RRP15: variants seen among roughly 807,000 people sequenced by gnomAD.
RRP15 encodes RRP15-like protein.
Under a neutral mutation model 27.1 loss-of-function variants are expected in RRP15, and 18 were observed. The ratio of observed to expected loss-of-function variants is 0.66; its 90% CI spans 0.46 to 0.98. The LOEUF (loss-of-function observed/expected upper bound fraction) is 0.98, where lower values mean the gene tolerates loss of function less well. Among genes scored for constraint, RRP15 ranks in the 50% least tolerant of loss-of-function variants. The pLI, the probability that RRP15 is intolerant of heterozygous loss-of-function variation, is 0.00. For synonymous variants in RRP15, 107 were observed against 109.4 expected (o/e 0.98, Z 0.14); for missense variants, 359 against 337.8 (o/e 1.06, Z -0.49).
chr1:218,320,329 C>T (rs558658854), intron 4 of RRP15, among the ~76,000 whole-genome samples: 76 of 151,014 alleles, frequency 5.0e-4, no homozygotes, highest in Admixed American at 2.5e-3. Context: ...TTTGTTCTTG[C>T]GATAGTTTAC....
Position 218,305,048 on chromosome 1 carries a change from G to A in RRP15, c.426G>A (p.Trp142Ter), listed in dbSNP as rs751165551. The A allele has an allele frequency of 1.2e-6, 2 of 1,613,698 alleles. No homozygotes were observed. Among genetic ancestry groups the A allele is most frequent in the East Asian group, 2.2e-5 (1 of 44,870 alleles). The change falls in exon 3 of 5, where the codon TGG (tryptophan) becomes TGA (stop). Residue 142 changes from tryptophan (W) to a stop codon, truncating the protein, a stop_gained. Transcript: ENST00000366932. LOFTEE classifies it high-confidence loss of function. Reference protein sequence around the residue: ...KIKQRDKRLEWEMMCRVKPDV... With the variant: ...KIKQRDKRLE ...CGCAGCGTGATAAGAGGCTGGAGTG[G>A]GAAATGATGTGCAGAGTAAAGCCAG...
At chr1:218,326,627 A>G (rs911742935) in intron 4 of RRP15, among the ~76,000 whole-genome samples, 3 of 152,202 alleles carry the variant, frequency 2.0e-5, no homozygotes, top group African/African-American at 4.8e-5. Flanking sequence ...CAGGTTTTCA[A>G]TAAAGTAACT....
chr1:218,286,239 T>A (rs1181753046), intron 1 of RRP15, among the ~76,000 whole-genome samples: 1 of 152,200 alleles, frequency 6.6e-6, no homozygotes, highest in Non-Finnish European at 1.5e-5. Context: ...TCTCAGTATA[T>A]AATATCCAAA....
Position 218,285,381 on chromosome 1 carries a change from A to G in RRP15, c.65A>G (p.Lys22Arg), listed in dbSNP as rs1391349843. 6.2e-6 allele frequency: 10 copies of G among 1,614,022 alleles called. No homozygotes were observed. Among genetic ancestry groups the G allele is most frequent in the Non-Finnish European group, 6.8e-6 (8 of 1,180,026 alleles). Residue 22 changes from lysine to arginine, a missense_variant, in exon 1 of 5, where the codon AAG (lysine) becomes AGG (arginine). Transcript: ENST00000366932. The part of the protein sequence containing the change: ...EEENLKKTPK[K>R]KMKMVTGAVA... Reference sequence around the variant, plus strand: ...GAAAACCTGAAAAAGACCCCAAAGAAGAAGATGAAAATGGTAACTGGAGCC... The same window carrying G: ...GAAAACCTGAAAAAGACCCCAAAGAGGAAGATGAAAATGGTAACTGGAGCC...
intron 1 of RRP15, among the ~76,000 whole-genome samples, chr1:218,294,556 G>T (rs973891923): frequency 6.6e-6 from 1 of 152,094 alleles, no homozygotes; most frequent in Admixed American, 6.5e-5. Flanking sequence ...TGAAGTATAG[G>T]GTGAAGGTGT....
intron 3 of RRP15, among the ~76,000 whole-genome samples, chr1:218,306,583 T>C (rs1655902411): frequency 6.6e-6 from 1 of 152,180 alleles, no homozygotes; most frequent in South Asian, 2.1e-4. Flanking sequence ...TTGCCTCTTA[T>C]TAGAGCAAGA....
intron 4 of RRP15, among the ~76,000 whole-genome samples, chr1:218,308,916 A>G (rs920545203): frequency 6.6e-6 from 1 of 152,240 alleles, no homozygotes; most frequent in African/African-American, 2.4e-5. Context: ...TTGGATGGGA[A>G]AGAACTAGTG....
intron 4 of RRP15, among the ~76,000 whole-genome samples, chr1:218,315,546 G>C (rs191037126): frequency 2.6e-5 from 4 of 152,038 alleles, no homozygotes; most frequent in African/African-American, 9.6e-5. Context: ...TCATGCCCCA[G>C]CCTCTTGAGT....
In RRP15 at chr1:218,335,425, G is replaced by T. The variant is rs780095113; in HGVS notation, c.*4334G>T. Reference sequence around the variant, plus strand: ...GCAAGGATATATGTTAGAAGAGTGGGCATAATACTTTATATTAAAATTATA... The same window carrying T: ...GCAAGGATATATGTTAGAAGAGTGGTCATAATACTTTATATTAAAATTATA... On this transcript the variant is annotated 3_prime_UTR_variant, in exon 5 of 5. Coordinates refer to ENST00000366932, the MANE Select transcript of RRP15 (RefSeq NM_016052.4). 11 of 152,098 alleles carry T rather than the reference G, an allele frequency of 7.2e-5. No individual in the cohort carries two copies. Among genetic ancestry groups the T allele is most frequent in the Non-Finnish European group, 1.5e-4 (10 of 68,014 alleles). 9.4% of individuals were successfully genotyped at this position (152,098 alleles called of 1,614,324 possible). A position where few individuals can be genotyped will look rare whatever the true frequency, so the allele number is the denominator to read the frequency against.
At chr1:218,329,019 T>G (rs1434023092) in intron 4 of RRP15, among the ~76,000 whole-genome samples, 5 of 152,146 alleles carry the variant, frequency 3.3e-5, no homozygotes, top group African/African-American at 9.7e-5. Context: ...TTGAAAGCTT[T>G]GAATTCTTAC....
chr1:218,294,784 T>A (rs1338112824), intron 1 of RRP15, among the ~76,000 whole-genome samples: 3 of 152,196 alleles, frequency 2.0e-5, no homozygotes, highest in Non-Finnish European at 2.9e-5. Flanking sequence ...CAAACTTCTA[T>A]TCCTGTCTTG....
Position 218,333,441 on chromosome 1 carries a change from G to C in RRP15, c.*2350G>C, listed in dbSNP as rs1427090898. 2 of 152,092 alleles carry C rather than the reference G, an allele frequency of 1.3e-5. No homozygotes were observed. Among genetic ancestry groups the C allele is most frequent in the Non-Finnish European group, 2.9e-5 (2 of 68,024 alleles). 9.4% of individuals were successfully genotyped at this position (152,092 alleles called of 1,614,324 possible). A position where few individuals can be genotyped will look rare whatever the true frequency, so the allele number is the denominator to read the frequency against. ...TTACCTACAACATTTAAATTATTCTGATATCAATCAGATAAATAATCCGAG... is the reference window on the plus strand; with the variant it reads ...TTACCTACAACATTTAAATTATTCTCATATCAATCAGATAAATAATCCGAG... On this transcript the variant is annotated 3_prime_UTR_variant, in exon 5 of 5. Coordinates refer to ENST00000366932, the MANE Select transcript of RRP15 (RefSeq NM_016052.4).
Position 218,334,056 on chromosome 1 carries a change from A to T in RRP15, c.*2965A>T, listed in dbSNP as rs1342994954. On this transcript the variant is annotated 3_prime_UTR_variant, in exon 5 of 5. Transcript: ENST00000366932. ...CTAGATACTTGGATGGCTGGGGTTGATGTTCTTAGTATTTATCATAGTTTA... is the reference window on the plus strand; with the variant it reads ...CTAGATACTTGGATGGCTGGGGTTGTTGTTCTTAGTATTTATCATAGTTTA... 1 of 151,992 alleles carries T rather than the reference A, an allele frequency of 6.6e-6. No individual in the cohort carries two copies. The highest frequency in any genetic ancestry group is 1.5e-5 in the Non-Finnish European group (1 of 67,972). The allele number at this position is 151,992 out of a possible 1,614,324, so 9.4% of individuals were successfully genotyped here. A position where few individuals can be genotyped will look rare whatever the true frequency, so the allele number is the denominator to read the frequency against.
chr1:218,287,142 C>CTA (rs1655560871), intron 1 of RRP15, among the ~76,000 whole-genome samples: 4 of 111,406 alleles, frequency 3.6e-5, no homozygotes, highest in Admixed American at 2.9e-4. Flanking sequence ...TTTTTTTTTT[C>CTA]TTTTTTTTTT....
At chr1:218,291,000 T>TGTGTGCC (rs72445522) in intron 1 of RRP15, among the ~76,000 whole-genome samples, 1 of 151,676 alleles carries the variant, frequency 6.6e-6, no homozygotes, top group East Asian at 1.9e-4. Flanking sequence ...GATATGGTGG[T>TGTGTGCC]GTGTGCCGTG....
chr1:218,297,701 A>G (rs1655742911), intron 1 of RRP15, among the ~76,000 whole-genome samples: 1 of 152,206 alleles, frequency 6.6e-6, no homozygotes, highest in Non-Finnish European at 1.5e-5. Flanking sequence ...AGGTTAACCA[A>G]TAGGCTTACC....
At position 218,333,464 on chromosome 1, in the gene RRP15, G is replaced by A. The variant is rs954928219; in HGVS notation, c.*2373G>A. 2.6e-5 allele frequency: 4 copies of A among 152,082 alleles called. No homozygotes were observed. The highest frequency in any genetic ancestry group is 3.4e-3 in the Middle Eastern group (1 of 290). 9.4% of individuals were successfully genotyped at this position (152,082 alleles called of 1,614,324 possible). Reference sequence around the variant, plus strand: ...CTGATATCAATCAGATAAATAATCCGAGTGTATTTCATCTTTCTACATTGT... The same window carrying A: ...CTGATATCAATCAGATAAATAATCCAAGTGTATTTCATCTTTCTACATTGT... On this transcript the variant is annotated 3_prime_UTR_variant, in exon 5 of 5. Transcript: ENST00000366932.
At chr1:218,287,990 C>T (rs1442435311) in intron 1 of RRP15, among the ~76,000 whole-genome samples, 3 of 152,112 alleles carry the variant, frequency 2.0e-5, no homozygotes, top group Non-Finnish European at 4.4e-5. Flanking sequence ...AAATTCATGG[C>T]CTATTTCAGA....
At position 218,324,066 on chromosome 1, in the gene RRP15, C is replaced by G. The variant is rs368769216; in HGVS notation, c.706-6882C>G. ...CCAACTCCCACCAGCTCTGTGGAGC[C>G]TGGCACCGTCCCAGGCCCAAGTCCT... On this transcript the variant is annotated intron_variant, in intron 4 of 4. Transcript: ENST00000366932. Among the ~76,000 whole-genome samples the G allele has an allele frequency of 7.9e-5, 12 of 152,314 alleles. No individual in the cohort carries two copies. In the East Asian group the frequency reaches 1.9e-3, roughly 25 times the overall value.
Sources: allele counts gnomAD v4.1 joint callset (sites outside exome capture counted in the v4.1 genomes callset), GRCh38; gene constraint gnomAD v4.1.1; transcripts MANE v1.5; gene names NCBI Gene and HGNC (gene_info 2026-07-23, HGNC 2026-07-21).